The following DBT variants were observed in gnomAD, a reference collection of about 807,000 sequenced individuals.
The protein encoded by DBT is dihydrolipoamide branched chain transacylase E2.
DBT carries 40 observed loss-of-function variants against 51.3 expected under a neutral mutation model. The observed-to-expected ratio is 0.78, with a 90% CI of 0.61 to 1.02. The LOEUF is 1.02. DBT is among the 50% of genes least tolerant of loss of function. The pLI, the probability that DBT is intolerant of heterozygous loss-of-function variation, is 0.00. For missense variants in DBT, 510 were observed against 580.2 expected (o/e 0.88, Z 1.24); for synonymous variants, 181 against 190.4 (o/e 0.95, Z 0.41).
At chr1:100,226,056 C>G in intron 4 of DBT, among the ~76,000 whole-genome samples, 1 of 152,030 alleles carries the variant, frequency 6.6e-6, no homozygotes, top group Non-Finnish European at 1.5e-5. Context: ...ATATAAATAA[C>G]TTGCTTTTTT....
chr1:100,212,371 A>G (rs1261746342), intron 7 of DBT, among the ~76,000 whole-genome samples: 1 of 151,232 alleles, frequency 6.6e-6, no homozygotes, highest in Non-Finnish European at 1.5e-5. Context: ...ACACATCTCT[A>G]CTAAGAATAA....
At chr1:100,199,871 A>T (rs1053113680) in intron 10 of DBT, among the ~76,000 whole-genome samples, 1 of 152,164 alleles carries the variant, frequency 6.6e-6, no homozygotes, top group Non-Finnish European at 1.5e-5. Flanking sequence ...CAGCCCAGAT[A>T]CTATGCTTTT....
At chr1:100,219,151 A>G (rs991418052) in intron 4 of DBT, among the ~76,000 whole-genome samples, 2 of 152,174 alleles carry the variant, frequency 1.3e-5, no homozygotes, top group African/African-American at 4.8e-5. Flanking sequence ...CAGGCATTCA[A>G]GACTAGCTGA....
chr1:100,207,376 A>G (rs1338067585), intron 8 of DBT, among the ~76,000 whole-genome samples: 1 of 152,206 alleles, frequency 6.6e-6, no homozygotes, highest in Non-Finnish European at 1.5e-5. Flanking sequence ...GCACCTCAGC[A>G]TTCCTTACTA....
At chr1:100,201,696 C>T (rs896520587) in intron 10 of DBT, among the ~76,000 whole-genome samples, 1 of 152,208 alleles carries the variant, frequency 6.6e-6, no homozygotes, top group African/African-American at 2.4e-5. Flanking sequence ...ATCAGACTAA[C>T]AGTGGATCTC....
intron 4 of DBT, among the ~76,000 whole-genome samples, chr1:100,218,983 G>A (rs1490640359): frequency 4.0e-5 from 6 of 151,808 alleles, no homozygotes; most frequent in Non-Finnish European, 8.8e-5. Context: ...ATTAGTACCT[G>A]GTGGATATGT....
chr1:100,231,601 C>T (rs761519451), intron 3 of DBT, among the ~76,000 whole-genome samples: 4 of 152,062 alleles, frequency 2.6e-5, no homozygotes, highest in Non-Finnish European at 5.9e-5. Flanking sequence ...TGCTTCTTGT[C>T]CTCCTGTCCT....
intron 10 of DBT, among the ~76,000 whole-genome samples, chr1:100,201,932 T>C (rs2100771672): frequency 6.6e-6 from 1 of 152,280 alleles, no homozygotes; most frequent in Middle Eastern, 3.4e-3. Flanking sequence ...GAACAACTGG[T>C]AGCAGCCACT....
intron 4 of DBT, among the ~76,000 whole-genome samples, chr1:100,223,803 T>C (rs543488657): frequency 6.6e-6 from 1 of 152,012 alleles, no homozygotes; most frequent in South Asian, 2.1e-4. Flanking sequence ...CACTGAAACA[T>C]GGAATAGCTT....
At position 100,249,097 on chromosome 1, in the gene DBT, G is replaced by A. The variant is rs890677197; in HGVS notation, c.51+673C>T. ...CAAGGCAGGAGCATCTAGGGAAAGGGAGAAGAGGCAGGAAGAAGAAACACT... is the reference window on the plus strand; with the variant it reads ...CAAGGCAGGAGCATCTAGGGAAAGGAAGAAGAGGCAGGAAGAAGAAACACT... On this transcript the variant is annotated intron_variant, in intron 1 of 10. Coordinates refer to ENST00000370132, the MANE Select transcript of DBT (RefSeq NM_001918.5). 6 of 988,524 alleles carry A rather than the reference G, an allele frequency of 6.1e-6. No homozygotes were observed. The African/African-American group carries it at 1.0e-4, about 17-fold the overall frequency. 61.2% of individuals were successfully genotyped at this position (988,524 alleles called of 1,614,324 possible).
intron 4 of DBT, among the ~76,000 whole-genome samples, chr1:100,225,257 G>A (rs1185448734): frequency 1.3e-5 from 2 of 151,346 alleles, no homozygotes; most frequent in African/African-American, 4.9e-5. Flanking sequence ...GCAACCACTC[G>A]TTGGTTTTCT....
chr1:100,196,308 A>G lies in DBT; in HGVS notation c.1396T>C (p.Leu466=), dbSNP rs1301034838. The G allele has an allele frequency of 6.2e-7, 1 of 1,613,992 alleles. No individual in the cohort carries two copies. Among genetic ancestry groups the G allele is most frequent in the South Asian group, 1.1e-5 (1 of 91,058 alleles). The part of the protein sequence containing the change: ...DGATMSRFSN[L]WKSYLENPAF... Reference sequence around the variant, plus strand: ...GGGTTTTCTAAATAGGATTTCCACAAATTGGAGAAGCGTGACATTGTAGCA... The same window carrying G: ...GGGTTTTCTAAATAGGATTTCCACAGATTGGAGAAGCGTGACATTGTAGCA... The change falls in exon 11 of 11, where the codon TTG becomes CTG. Residue 466 remains leucine, a synonymous_variant. Coordinates refer to ENST00000370132, the MANE Select transcript of DBT (RefSeq NM_001918.5).
chr1:100,233,209 A>AAAAG (rs1663644386), intron 3 of DBT, among the ~76,000 whole-genome samples: 1 of 152,216 alleles, frequency 6.6e-6, no homozygotes, highest in South Asian at 2.1e-4. Context: ...AAAGGAAAAA[A>AAAAG]AAAGAAAGCA....
chr1:100,189,317 T>G lies in DBT; in HGVS notation c.*6938A>C, dbSNP rs1034750946. 1.4e-5 allele frequency: 2 copies of G among 145,868 alleles called. No individual in the cohort carries two copies. Among genetic ancestry groups the G allele is most frequent in the Non-Finnish European group, 3.0e-5 (2 of 67,310 alleles). 9.0% of individuals were successfully genotyped at this position (145,868 alleles called of 1,614,324 possible). ...CCGAGATCGCACCACTGCACTCTAG[T>G]CGGGGTGACAGAGTGAGACTCCATC... On this transcript the variant is annotated 3_prime_UTR_variant, in exon 11 of 11. Coordinates refer to ENST00000370132, the MANE Select transcript of DBT (RefSeq NM_001918.5).
chr1:100,218,859 T>C, intron 4 of DBT, 112 bp from the exon 5 acceptor site: 3 of 800,798 alleles, frequency 3.7e-6, no homozygotes, highest in Non-Finnish European at 5.9e-6. Context: ...AATTAAAGTT[T>C]ATAGTCTAAA....
intron 1 of DBT, among the ~76,000 whole-genome samples, chr1:100,248,804 A>G (rs750087984): frequency 3.3e-5 from 5 of 152,062 alleles, no homozygotes; most frequent in Admixed American, 6.5e-5. Context: ...CAAGTCATAC[A>G]GTATCCTCTG....
intron 7 of DBT, chr1:100,213,276 A>AGCCGAGCCGG (rs1662262323): frequency 7.3e-7 from 1 of 1,361,442 alleles, no homozygotes. Context: ...GGGCCGACAG[A>AGCCGAGCCGG]GCCGAGCCGG....
chr1:100,241,043 A>G (rs1006682578), intron 1 of DBT, among the ~76,000 whole-genome samples, 159 bp from the exon 2 acceptor site: 7 of 152,174 alleles, frequency 4.6e-5, no homozygotes, highest in Non-Finnish European at 7.3e-5. Context: ...TATGATCCTT[A>G]CCCAAAATTC....
At chr1:100,249,719 C>T in intron 1 of DBT, 51 bp downstream of exon 1, 1 of 1,584,556 alleles carries the variant, frequency 6.3e-7, no homozygotes, top group South Asian at 1.1e-5. Context: ...TCCTGGATGA[C>T]TCCGGACAAA....
Sources: gnomAD v4.1 joint callset for allele counts (sites outside exome capture counted in the v4.1 genomes callset) on GRCh38, gnomAD v4.1.1 for gene constraint, MANE v1.5 for transcripts, NCBI Gene and HGNC (gene_info 2026-07-23, HGNC 2026-07-21) for gene names.